LDB2: variants seen among roughly 807,000 people sequenced by gnomAD.
LDB2 encodes the protein LIM domain binding 2.
A neutral mutation model predicts 44.3 loss-of-function variants in LDB2; 12 were observed. The observed-to-expected ratio is 0.27, with a 90% CI of 0.17 to 0.44. The LOEUF (loss-of-function observed/expected upper bound fraction) is 0.44. Ranked by LOEUF, LDB2 falls within the 20% of genes least tolerant of loss-of-function variation. The pLI is 1.00. For missense variants in LDB2, 344 were observed against 473.5 expected, an observed-to-expected ratio of 0.73 and a Z score of 2.54; for synonymous variants, 164 against 174.8, an observed-to-expected ratio of 0.94 and a Z score of 0.49.
At chr4:16,588,167 C>T (rs1052096127) in intron 4 of LDB2, among the ~76,000 whole-genome samples, 7 of 152,102 alleles carry the variant, frequency 4.6e-5, no homozygotes, top group Non-Finnish European at 1.0e-4. Context: ...CTAATTTGTG[C>T]TCAATAAATT....
chr4:16,505,711 T>A lies in LDB2; in HGVS notation c.891+2824A>T, dbSNP rs150910832. 159 of 785,076 alleles carry A rather than the reference T, an allele frequency of 2.0e-4. 1 individual carries two copies. Among genetic ancestry groups the A allele is most frequent in the Admixed American group, 7.3e-4 (22 of 30,304 alleles). 48.6% of individuals were successfully genotyped at this position (785,076 alleles called of 1,614,324 possible). ...CCACGAGAGACAACAGCGAGCCATC[T>A]GAGAGAGGTCCATATGCCCTCAGCT... On this transcript the variant is annotated intron_variant, in intron 7 of 7. Transcript: ENST00000304523.
At position 16,502,797 on chromosome 4, in the gene LDB2, A is replaced by G. The variant is rs761039765; in HGVS notation, c.968T>C (p.Leu323Ser). The change falls in exon 8 of 8, where the codon TTA (leucine) becomes TCA (serine). Residue 323 changes from leucine (L) to serine (S), a missense_variant. This residue lies in a region of LDB2 where 86 missense variants were observed against 171.2 expected (regional missense o/e 0.50). Coordinates refer to ENST00000304523, the MANE Select transcript of LDB2 (RefSeq NM_001290.5). Reference protein sequence around the residue: ...GDEDERLITRLENTQYDAANG... With the variant: ...GDEDERLITRSENTQYDAANG... ...GGCCGCATCATATTGCGTGTTTTCT[A>G]ATCTAGTGATTAGCCTTTCGTCCTC... The G allele has an allele frequency of 1.2e-6, 2 of 1,613,834 alleles. No homozygotes were observed. Among genetic ancestry groups the G allele is most frequent in the Admixed American group, 1.7e-5 (1 of 59,982 alleles).
At position 16,548,183 on chromosome 4, in the gene LDB2, G is replaced by T. The variant is rs567687172; in HGVS notation, c.616-36079C>A. Among the ~76,000 whole-genome samples the T allele has an allele frequency of 6.6e-5, 10 of 152,148 alleles. No homozygotes were observed. In the South Asian group the frequency reaches 1.9e-3, roughly 28 times the overall value. ...TTAGCGAGTCCTTGTCCTCATCTGGGGATAAAGACACAGGCATGGAGCAGG... is the reference window on the plus strand; with the variant it reads ...TTAGCGAGTCCTTGTCCTCATCTGGTGATAAAGACACAGGCATGGAGCAGG... On this transcript the variant is annotated intron_variant, in intron 5 of 7. Transcript: ENST00000304523.
rs75516543 is a variant in LDB2, at chr4:16,572,019, C to T, written c.615+13903G>A. Among the ~76,000 whole-genome samples, 1,282 of 152,250 alleles carry T rather than the reference C, an allele frequency of 8.4e-3. 14 individuals are homozygous for T. The highest frequency in any genetic ancestry group is 0.03 in the African/African-American group (1,231 of 41,542). ...GCTGTCTTTAAAGAACTTGAGTTTT[C>T]TGTATTCAGCAAGATGGTACCTGGG... is the stretch of plus-strand genomic sequence containing the variant. On this transcript the variant is annotated intron_variant, in intron 5 of 7. Coordinates refer to ENST00000304523, the MANE Select transcript of LDB2 (RefSeq NM_001290.5).
At position 16,859,247 on chromosome 4, in the gene LDB2, T is replaced by C. The variant is rs191006879; in HGVS notation, c.132+39107A>G. Among the ~76,000 whole-genome samples the C allele has an allele frequency of 5.3e-5, 8 of 152,292 alleles. No individual in the cohort carries two copies. In the East Asian group the frequency reaches 1.5e-3, roughly 29 times the overall value. Reference sequence around the variant, plus strand: ...CGTTCCAAAAAAAGAAAAAGAAAAATGACTTGTCCTTGAATCATTTTGCTG... The same window carrying C: ...CGTTCCAAAAAAAGAAAAAGAAAAACGACTTGTCCTTGAATCATTTTGCTG... On this transcript the variant is annotated intron_variant, in intron 1 of 7. Transcript: ENST00000304523.
chr4:16,505,734 G>T, intron 7 of LDB2: 1 of 1,128,220 alleles, frequency 8.9e-7, no homozygotes, highest in Non-Finnish European at 1.2e-6. Context: ...TATGCCCTCA[G>T]CTCCCCACAA....
chr4:16,750,355 T>C (rs1425681187), intron 2 of LDB2, among the ~76,000 whole-genome samples: 1 of 152,208 alleles, frequency 6.6e-6, no homozygotes, highest in Non-Finnish European at 1.5e-5. Flanking sequence ...ATCACACTCC[T>C]ATGCATGTGC....
intron 2 of LDB2, among the ~76,000 whole-genome samples, chr4:16,619,483 G>C (rs1560655604): frequency 6.6e-6 from 1 of 152,174 alleles, no homozygotes; most frequent in Non-Finnish European, 1.5e-5. Flanking sequence ...TTATGTTTCT[G>C]AGATGGGCCA....
chr4:16,516,301 T>G (rs1271211323), intron 5 of LDB2, among the ~76,000 whole-genome samples: 2 of 152,256 alleles, frequency 1.3e-5, no homozygotes, highest in Admixed American at 1.3e-4. Flanking sequence ...GTCTAATGCA[T>G]GACTATTTAA....
chr4:16,697,361 A>G (rs1385988549), intron 2 of LDB2, among the ~76,000 whole-genome samples: 1 of 150,846 alleles, frequency 6.6e-6, no homozygotes, highest in Non-Finnish European at 1.5e-5. Context: ...AGGCTGAGGC[A>G]GGAGAATGGC....
At chr4:16,719,856 C>T (rs1757870917) in intron 2 of LDB2, among the ~76,000 whole-genome samples, 1 of 152,082 alleles carries the variant, frequency 6.6e-6, no homozygotes, top group South Asian at 2.1e-4. Flanking sequence ...CACAATAACA[C>T]TATTGGCTAG....
chr4:16,516,640 G>T (rs1419337675), intron 5 of LDB2, among the ~76,000 whole-genome samples: 1 of 152,204 alleles, frequency 6.6e-6, no homozygotes, highest in Non-Finnish European at 1.5e-5. Flanking sequence ...CATTGGGCAT[G>T]CTATAAAATG....
At chr4:16,612,742 G>C (rs186355139) in intron 2 of LDB2, among the ~76,000 whole-genome samples, 1 of 152,154 alleles carries the variant, frequency 6.6e-6, no homozygotes, top group Non-Finnish European at 1.5e-5. Context: ...CCCAGGACCG[G>C]ACGGATTCAC....
intron 1 of LDB2, among the ~76,000 whole-genome samples, chr4:16,772,739 A>G (rs761921953): frequency 6.6e-6 from 1 of 152,232 alleles, no homozygotes; most frequent in East Asian, 1.9e-4. Flanking sequence ...CACACACACA[A>G]AAAACTAGGA....
intron 1 of LDB2, among the ~76,000 whole-genome samples, chr4:16,780,232 T>C (rs1030325804): frequency 6.6e-6 from 1 of 152,194 alleles, no homozygotes; most frequent in Non-Finnish European, 1.5e-5. Flanking sequence ...TTTATTTTAT[T>C]ATTTTTTTGA....
chr4:16,719,229 T>C (rs927096880), intron 2 of LDB2, among the ~76,000 whole-genome samples: 5 of 152,158 alleles, frequency 3.3e-5, no homozygotes, highest in African/African-American at 1.2e-4. Context: ...TTTGTTAGCT[T>C]CAACTGGTAG....
chr4:16,744,799 T>C (rs559775670), intron 2 of LDB2, among the ~76,000 whole-genome samples: 1 of 152,152 alleles, frequency 6.6e-6, no homozygotes, highest in Non-Finnish European at 1.5e-5. Flanking sequence ...TATGAAGAAT[T>C]AGGAAACATT....
At chr4:16,779,740 G>C (rs1047776568) in intron 1 of LDB2, among the ~76,000 whole-genome samples, 37 of 152,226 alleles carry the variant, frequency 2.4e-4, no homozygotes, top group Non-Finnish European at 2.2e-4. Context: ...CCCATGGTCA[G>C]TTCAGTTGAC....
chr4:16,768,081 T>C (rs1011184456), intron 1 of LDB2, among the ~76,000 whole-genome samples: 1 of 152,202 alleles, frequency 6.6e-6, no homozygotes, highest in South Asian at 2.1e-4. Flanking sequence ...GAGTAATTAT[T>C]TTTCAATTCA....
Sources: gnomAD v4.1 joint callset for allele counts (sites outside exome capture counted in the v4.1 genomes callset) on GRCh38, gnomAD v4.1.1 for gene constraint, gnomAD v4.1.1 regional missense constraint, MANE v1.5 for transcripts, NCBI Gene and HGNC (gene_info 2026-07-23, HGNC 2026-07-21) for gene names.